Variants in NMNAT2 observed in about 807,000 individuals in gnomAD.
NMNAT2 encodes the protein nicotinamide nucleotide adenylyltransferase 2.
NMNAT2 carries 11 observed loss-of-function variants against 41.6 expected under a neutral mutation model. The observed-to-expected ratio is 0.26, with a 90% confidence interval of 0.17 to 0.44. The LOEUF (loss-of-function observed/expected upper bound fraction) is 0.44. NMNAT2 is among the 20% of genes least tolerant of loss of function. The pLI, the probability that NMNAT2 is intolerant of heterozygous loss-of-function variation, is 1.00. For synonymous variants in NMNAT2, 148 were observed against 151.2 expected (o/e 0.98, Z 0.16); for missense variants, 288 against 407.7 (o/e 0.71, Z 2.53).
intron 10 of NMNAT2, among the ~76,000 whole-genome samples, chr1:183,257,497 A>G (rs1660548405): frequency 6.6e-6 from 1 of 152,156 alleles, no homozygotes; most frequent in Admixed American, 6.5e-5. Context: ...TTCAGCTCTG[A>G]AGTCATCTGG....
intron 8 of NMNAT2, among the ~76,000 whole-genome samples, chr1:183,275,908 G>C (rs548475069): frequency 6.6e-6 from 1 of 152,122 alleles, no homozygotes; most frequent in South Asian, 2.1e-4. Flanking sequence ...TCCTGACCTC[G>C]TGATCCATCT....
intron 1 of NMNAT2, among the ~76,000 whole-genome samples, chr1:183,305,293 G>A (rs1275835287): frequency 6.6e-6 from 1 of 152,022 alleles, no homozygotes; most frequent in Admixed American, 6.6e-5. Flanking sequence ...ATATAGCTGG[G>A]CAGGGGGTGG....
chr1:183,339,966 A>T (rs1536984), intron 1 of NMNAT2, among the ~76,000 whole-genome samples: 108,100 of 151,990 alleles, frequency 0.71, 38,577 homozygotes, highest in East Asian at 0.9. Flanking sequence ...AAGAACACAT[A>T]AAAGGGGAAT....
At chr1:183,289,919 A>G (rs938403111) in intron 4 of NMNAT2, among the ~76,000 whole-genome samples, 1 of 152,162 alleles carries the variant, frequency 6.6e-6, no homozygotes, top group African/African-American at 2.4e-5. Context: ...CAGGGAACAG[A>G]CCCTGGTGCT....
intron 1 of NMNAT2, among the ~76,000 whole-genome samples, chr1:183,403,819 G>A (rs1043375270): frequency 6.6e-6 from 1 of 152,314 alleles, no homozygotes; most frequent in African/African-American, 2.4e-5. Flanking sequence ...CAGCATAAGA[G>A]AAGGATTAGG....
chr1:183,415,033 G>A (rs1047433470), intron 1 of NMNAT2, among the ~76,000 whole-genome samples: 5 of 152,152 alleles, frequency 3.3e-5, no homozygotes, highest in African/African-American at 1.2e-4. Flanking sequence ...ATAGAGTGCA[G>A]TGTGCTATCT....
At position 183,364,434 on chromosome 1, in the gene NMNAT2, G is replaced by A. The variant is rs979713198; in HGVS notation, c.85+53749C>T. 7.5e-4 allele frequency among the ~76,000 whole-genome samples: 114 copies of A among 152,246 alleles called. 1 individual carries two copies. Among genetic ancestry groups the A allele is most frequent in the Non-Finnish European group, 5.9e-5 (4 of 68,018 alleles). On this transcript the variant is annotated intron_variant, in intron 1 of 10. Transcript: ENST00000287713. ...TATACAATCACTAGAAGGGAGGAGT[G>A]AAAAACATAACCCATTTCTTCATTA... is the stretch of plus-strand genomic sequence containing the variant.
At chr1:183,299,548 G>A (rs374303473) in intron 1 of NMNAT2, among the ~76,000 whole-genome samples, 4 of 151,774 alleles carry the variant, frequency 2.6e-5, no homozygotes, top group African/African-American at 4.8e-5. Context: ...TGGACATTTC[G>A]GCTCATGCTT....
chr1:183,291,360 G>A (rs1438867334), intron 3 of NMNAT2, among the ~76,000 whole-genome samples: 5 of 151,972 alleles, frequency 3.3e-5, no homozygotes, highest in African/African-American at 9.7e-5. Flanking sequence ...GCCATTTGCC[G>A]GGACCCTGGC....
chr1:183,387,277 A>T (rs971220857), intron 1 of NMNAT2, among the ~76,000 whole-genome samples: 21 of 151,366 alleles, frequency 1.4e-4, no homozygotes, highest in African/African-American at 4.8e-4. Context: ...GAAAATATTA[A>T]TGACCCTTGA....
rs776618192 is a variant in NMNAT2, at chr1:183,253,746, CTCTA to C, written c.822-1007_822-1004del. The stretch of plus-strand genomic sequence containing the variant: ...TGACCCTGGTAATCATTGTTTTATT[CTCTA>C]TCTGTGTATTTAAGATTCCACATAT... On this transcript the variant is annotated intron_variant, in intron 10 of 10. Coordinates refer to ENST00000287713, the MANE Select transcript of NMNAT2 (RefSeq NM_015039.4). 5.3e-5 allele frequency among the ~76,000 whole-genome samples: 8 copies of C among 152,254 alleles called. No individual in the cohort carries two copies. The East Asian group carries it at 5.8e-4, about 11-fold the overall frequency.
Position 183,251,455 on chromosome 1 carries a change from T to C in NMNAT2, c.*1186A>G, listed in dbSNP as rs1458137328. 1 of 152,262 alleles carries C rather than the reference T, an allele frequency of 6.6e-6. No individual in the cohort carries two copies. The highest frequency in any genetic ancestry group is 1.5e-5 in the Non-Finnish European group (1 of 68,054). The allele number at this position is 152,262 out of a possible 1,614,324, so 9.4% of individuals were successfully genotyped here. A position where few individuals can be genotyped will look rare whatever the true frequency, so the allele number is the denominator to read the frequency against. On this transcript the variant is annotated 3_prime_UTR_variant, in exon 11 of 11. Transcript: ENST00000287713. ...TCCCAGCCCAACAGACAATACATAA[T>C]TCCAATTAGCAAAGACCTCCAGGGT...
At position 183,248,776 on chromosome 1, in the gene NMNAT2, G is replaced by A. The variant is rs1376111918; in HGVS notation, c.*3865C>T. 6.6e-6 allele frequency: 1 copy of A among 152,192 alleles called. No homozygotes were observed. Among genetic ancestry groups the A allele is most frequent in the Non-Finnish European group, 1.5e-5 (1 of 68,052 alleles). 9.4% of individuals were successfully genotyped at this position (152,192 alleles called of 1,614,324 possible). ...CATCTCACCTGTTGGCCCTCCTGCA[G>A]TAGGTAGCCTTGGGAGAGATCCTGA... On this transcript the variant is annotated 3_prime_UTR_variant, in exon 11 of 11. Transcript: ENST00000287713.
At chr1:183,355,424 A>C (rs1402214992) in intron 1 of NMNAT2, among the ~76,000 whole-genome samples, 1 of 152,170 alleles carries the variant, frequency 6.6e-6, no homozygotes, top group Non-Finnish European at 1.5e-5. Context: ...TGAATCAGAG[A>C]CCGAGGGTGG....
chr1:183,388,655 G>T (rs1011735969), intron 1 of NMNAT2, among the ~76,000 whole-genome samples: 1 of 152,148 alleles, frequency 6.6e-6, no homozygotes, highest in Non-Finnish European at 1.5e-5. Flanking sequence ...TCCTGTCAAA[G>T]TTATTTAAGG....
At chr1:183,303,665 A>T (rs1661922862) in intron 1 of NMNAT2, among the ~76,000 whole-genome samples, 1 of 152,226 alleles carries the variant, frequency 6.6e-6, no homozygotes, top group South Asian at 2.1e-4. Flanking sequence ...CGTGAAACAG[A>T]CAATCCTACC....
At chr1:183,417,504 G>A (rs1310424673) in intron 1 of NMNAT2, among the ~76,000 whole-genome samples, 1 of 152,204 alleles carries the variant, frequency 6.6e-6, no homozygotes, top group East Asian at 1.9e-4. Context: ...CCTCCGCCCG[G>A]CCCCCTCCCC....
At chr1:183,358,161 T>C (rs1324658627) in intron 1 of NMNAT2, among the ~76,000 whole-genome samples, 1 of 152,120 alleles carries the variant, frequency 6.6e-6, no homozygotes, top group South Asian at 2.1e-4. Context: ...AGCGAACTAA[T>C]GCAGAAACAG....
In NMNAT2 at chr1:183,413,855, C is replaced by T. The variant is rs779489758; in HGVS notation, c.85+4328G>A. ...ATCTCCTGACCTCGTGATCCGCCCG[C>T]CTCGGCCTCCCAAAGTGCTGGGATT... On this transcript the variant is annotated intron_variant, in intron 1 of 10. Coordinates refer to ENST00000287713, the MANE Select transcript of NMNAT2 (RefSeq NM_015039.4). Among the ~76,000 whole-genome samples, 63 of 152,260 alleles carry T rather than the reference C, an allele frequency of 4.1e-4. 1 individual carries two copies. The highest frequency in any genetic ancestry group is 1.8e-3 in the Admixed American group (27 of 15,296).
Sources: gnomAD v4.1 joint callset for allele counts (sites outside exome capture counted in the v4.1 genomes callset) on GRCh38, gnomAD v4.1.1 for gene constraint, MANE v1.5 for transcripts, NCBI Gene and HGNC (gene_info 2026-07-23, HGNC 2026-07-21) for gene names.